The following FAM78B variants were observed in gnomAD, a reference collection of about 807,000 sequenced individuals.
FAM78B encodes protein FAM78B.
Under a neutral mutation model 20.0 loss-of-function variants are expected in FAM78B, and 10 were observed. The observed-to-expected ratio is 0.50, with a 90% confidence interval of 0.31 to 0.85. The LOEUF (loss-of-function observed/expected upper bound fraction) is 0.85. Among genes scored for constraint, FAM78B ranks in the 40% least tolerant of loss-of-function variants. The pLI, the probability that FAM78B is intolerant of heterozygous loss-of-function variation, is 0.05. For synonymous variants in FAM78B, 135 were observed against 132.8 expected, an observed-to-expected ratio of 1.02 and a Z score of -0.12; for missense variants, 283 against 345.0, an observed-to-expected ratio of 0.82 and a Z score of 1.42.
intron 1 of FAM78B, among the ~76,000 whole-genome samples, chr1:166,104,886 C>T (rs1253256143): frequency 4.6e-5 from 7 of 152,236 alleles, no homozygotes; most frequent in African/African-American, 9.6e-5. Flanking sequence ...AAAAAGAGCC[C>T]GCATTGCCAA....
At chr1:166,068,026 G>C (rs1332705949), downstream of FAM78B, among the ~76,000 whole-genome samples, 3 of 152,028 alleles carry the variant, frequency 2.0e-5, no homozygotes, top group Non-Finnish European at 4.4e-5. Flanking sequence ...AATGCACTAG[G>C]GGAATTTGCA....
chr1:166,109,897 T>C lies in FAM78B; in HGVS notation c.264-39134A>G, dbSNP rs1473005376. 2.5e-4 allele frequency among the ~76,000 whole-genome samples: 20 copies of C among 81,022 alleles called. 6 individuals are homozygous for C. The East Asian group carries it at 3.0e-3, about 12-fold the overall frequency. The allele number at this position is 81,022 out of a possible 152,430, so 53.2% of individuals were successfully genotyped here. A position where few individuals can be genotyped will look rare whatever the true frequency, so the allele number is the denominator to read the frequency against. The stretch of plus-strand genomic sequence containing the variant: ...ATATATATATGTATATATGTATATA[T>C]ATATATATATATATATATATATAAT... On this transcript the variant is annotated intron_variant, in intron 1 of 1. Coordinates refer to ENST00000354422, the MANE Select transcript of FAM78B (RefSeq NM_001017961.5).
At chr1:166,163,061 C>G (rs1338663815) in intron 1 of FAM78B, among the ~76,000 whole-genome samples, 1 of 152,322 alleles carries the variant, frequency 6.6e-6, no homozygotes, top group East Asian at 1.9e-4. Flanking sequence ...GCAGTGAAAA[C>G]TGCCTGCATA....
intron 1 of FAM78B, among the ~76,000 whole-genome samples, chr1:166,096,683 G>T (rs1653288772): frequency 6.6e-6 from 1 of 152,134 alleles, no homozygotes; most frequent in Non-Finnish European, 1.5e-5. Context: ...CAATGTTCTT[G>T]TCCTCCTCTC....
In FAM78B at chr1:166,166,316, G is replaced by A. The variant is rs1326074978; in HGVS notation, c.-68C>T. On this transcript the variant is annotated 5_prime_UTR_variant, in exon 1 of 2. Coordinates refer to ENST00000354422, the MANE Select transcript of FAM78B (RefSeq NM_001017961.5). ...GGGGCCCGCGCGGGCAGCCGGGGGC[G>A]CCCGTCACGCCGGCATGGCGACGCG... The A allele has an allele frequency of 8.1e-6, 9 of 1,113,696 alleles. No individual in the cohort carries two copies. Among genetic ancestry groups the A allele is most frequent in the East Asian group, 1.0e-4 (2 of 19,352 alleles). The allele number at this position is 1,113,696 out of a possible 1,614,324, so 69.0% of individuals were successfully genotyped here.
At chr1:166,093,532 T>G (rs1653158942) in intron 1 of FAM78B, among the ~76,000 whole-genome samples, 1 of 152,166 alleles carries the variant, frequency 6.6e-6, no homozygotes, top group Non-Finnish European at 1.5e-5. Context: ...GGATCCCCAT[T>G]TTAAAGCCAG....
intron 1 of FAM78B, among the ~76,000 whole-genome samples, chr1:166,105,976 A>G (rs1037196395): frequency 2.6e-5 from 4 of 152,124 alleles, no homozygotes; most frequent in South Asian, 2.1e-4. Context: ...ACAATGATAG[A>G]CTGGATTAAC....
In FAM78B at chr1:166,119,407, T is replaced by C. The variant is rs186105931; in HGVS notation, c.263+46579A>G. ...GTGATTCCAAAGGAGACGACGCACA[T>C]GGTAAAAAACAAGCCCTATCTACCC... On this transcript the variant is annotated intron_variant, in intron 1 of 1. Coordinates refer to ENST00000354422, the MANE Select transcript of FAM78B (RefSeq NM_001017961.5). Among the ~76,000 whole-genome samples the C allele has an allele frequency of 1.1e-3, 160 of 152,220 alleles. 1 individual carries two copies. Among genetic ancestry groups the C allele is most frequent in the African/African-American group, 3.7e-3 (155 of 41,532 alleles).
At chr1:166,137,971 T>A (rs981014191) in intron 1 of FAM78B, among the ~76,000 whole-genome samples, 1 of 152,172 alleles carries the variant, frequency 6.6e-6, no homozygotes, top group Non-Finnish European at 1.5e-5. Flanking sequence ...ACAGAGCAGG[T>A]GGCTGGAGGC....
At chr1:166,086,861 G>A (rs192532642) in intron 1 of FAM78B, among the ~76,000 whole-genome samples, 57 of 152,202 alleles carry the variant, frequency 3.7e-4, no homozygotes, top group African/African-American at 1.3e-3. Context: ...GAATTCACAT[G>A]GGTATTATCA....
chr1:166,109,175 A>G (rs1653899773), intron 1 of FAM78B, among the ~76,000 whole-genome samples: 2 of 152,254 alleles, frequency 1.3e-5, no homozygotes, highest in Admixed American at 1.3e-4. Flanking sequence ...TAATTAAACT[A>G]AAGAGCTTTT....
chr1:166,067,481 G>A (rs552029819), downstream of FAM78B, among the ~76,000 whole-genome samples: 4 of 152,178 alleles, frequency 2.6e-5, no homozygotes, highest in South Asian at 8.3e-4. Flanking sequence ...TAAACTGATG[G>A]CATCTGGCGT....
chr1:166,068,394 T>C (rs1287780101), downstream of FAM78B, among the ~76,000 whole-genome samples: 1 of 152,248 alleles, frequency 6.6e-6, no homozygotes, highest in Non-Finnish European at 1.5e-5. Flanking sequence ...GCCACTGATG[T>C]ATTATTAATG....
chr1:166,165,975 G>A lies in FAM78B; in HGVS notation c.263+11C>T, dbSNP rs779238521. 14 of 1,613,470 alleles carry A rather than the reference G, an allele frequency of 8.7e-6. No individual in the cohort carries two copies. Among genetic ancestry groups the A allele is most frequent in the Non-Finnish European group, 8.5e-6 (10 of 1,179,908 alleles). ...AGAGTCCGCTCCCGTGCCGCGCGGC[G>A]AGTCGCTTACATGCCCAGGTCGCTG... On this transcript the variant is annotated intron_variant, in intron 1 of 1. Coordinates refer to ENST00000354422, the MANE Select transcript of FAM78B (RefSeq NM_001017961.5).
intron 1 of FAM78B, among the ~76,000 whole-genome samples, chr1:166,159,799 T>G (rs1656075459): frequency 6.6e-6 from 1 of 152,230 alleles, no homozygotes; most frequent in African/African-American, 2.4e-5. Context: ...TCTCTCCAAC[T>G]CCTCCTTTGA....
rs572307177 is a variant in FAM78B at position 166,163,171 on chromosome 1, G to A, written c.263+2815C>T. On this transcript the variant is annotated intron_variant, in intron 1 of 1. Transcript: ENST00000354422. ...AGAGAGTCAGGAGCCCTTCCTCCCC[G>A]AGGGATGAAGACTTGCAGCAGTCTG... is the stretch of plus-strand genomic sequence containing the variant. 6.6e-5 allele frequency among the ~76,000 whole-genome samples: 10 copies of A among 152,280 alleles called. No individual in the cohort carries two copies. The South Asian group carries it at 8.3e-4, about 13-fold the overall frequency.
intron 1 of FAM78B, among the ~76,000 whole-genome samples, chr1:166,102,963 G>A (rs1466681796): frequency 6.6e-6 from 1 of 152,124 alleles, no homozygotes; most frequent in Non-Finnish European, 1.5e-5. Context: ...TGGAAGTAAA[G>A]CACTCCTCAG....
intron 1 of FAM78B, among the ~76,000 whole-genome samples, chr1:166,130,381 G>A (rs1654829487): frequency 6.6e-6 from 1 of 152,226 alleles, no homozygotes. Flanking sequence ...TGCCAGAGAA[G>A]GAGGAAGACA....
downstream of FAM78B, among the ~76,000 whole-genome samples, chr1:166,056,878 A>G (rs114594799): frequency 9.4e-3 from 1,428 of 152,234 alleles, 11 homozygotes; most frequent in Non-Finnish European, 0.016. Context: ...CCTAACCCCC[A>G]TGGTGATAGT....
Sources: gnomAD v4.1 joint callset for allele counts (sites outside exome capture counted in the v4.1 genomes callset) on GRCh38, gnomAD v4.1.1 for gene constraint, MANE v1.5 for transcripts, NCBI Gene and HGNC (gene_info 2026-07-23, HGNC 2026-07-21) for gene names.